The following EPHB1 variants were observed in gnomAD, a reference collection of about 807,000 sequenced individuals.
EPHB1 encodes EPH receptor B1.
Under a neutral mutation model 94.4 loss-of-function variants are expected in EPHB1, and 30 were observed. The observed-to-expected ratio is 0.32, with a 90% CI of 0.24 to 0.43. EPHB1 has a LOEUF of 0.43. Among genes scored for constraint, EPHB1 ranks in the 20% least tolerant of loss-of-function variants. The probability of loss-of-function intolerance (pLI) is 1.00; values close to 1 mark genes in which losing one functional copy is unlikely to be tolerated. For synonymous variants in EPHB1, 522 were observed against 489.1 expected (o/e 1.07, Z -0.89); for missense variants, 1,055 against 1,308.3 (o/e 0.81, Z 2.99).
intron 1 of EPHB1, among the ~76,000 whole-genome samples, chr3:134,861,649 A>G (rs533093959): frequency 3.1e-4 from 47 of 151,328 alleles, no homozygotes; most frequent in Admixed American, 2.0e-3. Context: ...ATAAGGAAAC[A>G]GGGGGAGAAA....
At chr3:135,118,372 G>T (rs1323688584) in intron 4 of EPHB1, among the ~76,000 whole-genome samples, 1 of 152,184 alleles carries the variant, frequency 6.6e-6, no homozygotes, top group Non-Finnish European at 1.5e-5. Flanking sequence ...TACAGTTTAG[G>T]CCCTGTGCTA....
At position 135,100,545 on chromosome 3, in the gene EPHB1, G is replaced by A. The variant is rs527860255; in HGVS notation, c.806-5903G>A. Among the ~76,000 whole-genome samples the A allele has an allele frequency of 1.1e-4, 16 of 152,302 alleles. No individual in the cohort carries two copies. The South Asian group carries it at 2.3e-3, about 22-fold the overall frequency. On this transcript the variant is annotated intron_variant, in intron 3 of 15. Transcript: ENST00000398015. ...GCTGCTTGGAAATGCTTTGTAACCT[G>A]ATGCTGCAGATGGGGATGAGAAGCG... is the stretch of plus-strand genomic sequence containing the variant.
intron 1 of EPHB1, among the ~76,000 whole-genome samples, chr3:134,844,979 C>T (rs894788101): frequency 2.6e-5 from 4 of 152,182 alleles, no homozygotes; most frequent in Non-Finnish European, 5.9e-5. Flanking sequence ...GAATCCACTT[C>T]AGATTTGTCT....
At chr3:134,969,152 C>T (rs1040663656) in intron 3 of EPHB1, among the ~76,000 whole-genome samples, 3 of 152,166 alleles carry the variant, frequency 2.0e-5, no homozygotes, top group Non-Finnish European at 4.4e-5. Context: ...TTCAGTTGTT[C>T]TGCCTTTTTG....
intron 3 of EPHB1, among the ~76,000 whole-genome samples, chr3:135,054,038 T>TACACACACAC (rs113249083): frequency 4.6e-4 from 49 of 107,580 alleles, no homozygotes; most frequent in African/African-American, 1.5e-3. Context: ...TATATATATA[T>TACACACACAC]ATACACACAC....
intron 10 of EPHB1, 88 bp downstream of exon 10, chr3:135,180,070 A>T: frequency 6.7e-7 from 1 of 1,498,952 alleles, no homozygotes; most frequent in South Asian, 1.2e-5. Context: ...CAGTATGAAA[A>T]GCCCCATTAG....
At chr3:135,208,441 T>C (rs1942958349) in intron 12 of EPHB1, among the ~76,000 whole-genome samples, 1 of 152,116 alleles carries the variant, frequency 6.6e-6, no homozygotes, top group Non-Finnish European at 1.5e-5. Context: ...CCAATATCTT[T>C]CCTTGCCTTC....
At chr3:134,902,246 G>A (rs905011968) in intron 1 of EPHB1, among the ~76,000 whole-genome samples, 4 of 152,086 alleles carry the variant, frequency 2.6e-5, no homozygotes, top group Non-Finnish European at 2.9e-5. Flanking sequence ...GGAATTATTG[G>A]GAGATATTCA....
At chr3:135,114,406 C>T (rs986915509) in intron 4 of EPHB1, among the ~76,000 whole-genome samples, 3 of 151,490 alleles carry the variant, frequency 2.0e-5, no homozygotes, top group East Asian at 3.9e-4. Context: ...GAATTAAATG[C>T]AATATACTAT....
At chr3:135,140,234 G>A (rs750581839) in intron 5 of EPHB1, among the ~76,000 whole-genome samples, 34 of 152,200 alleles carry the variant, frequency 2.2e-4, no homozygotes, top group Non-Finnish European at 3.5e-4. Context: ...CCATAAAGAG[G>A]CATCTCATAA....
At chr3:135,128,762 A>G (rs1234521704) in intron 4 of EPHB1, among the ~76,000 whole-genome samples, 3 of 152,348 alleles carry the variant, frequency 2.0e-5, no homozygotes, top group East Asian at 3.9e-4. Context: ...CTGCCTCTCA[A>G]GTGCTGAAAA....
intron 12 of EPHB1, among the ~76,000 whole-genome samples, chr3:135,213,377 G>A (rs1033755513): frequency 6.6e-6 from 1 of 152,194 alleles, no homozygotes; most frequent in African/African-American, 2.4e-5. Context: ...CACTTGCATG[G>A]TTTACGCAAC....
At chr3:134,874,449 G>T (rs1218397949) in intron 1 of EPHB1, among the ~76,000 whole-genome samples, 1 of 152,152 alleles carries the variant, frequency 6.6e-6, no homozygotes, top group African/African-American at 2.4e-5. Flanking sequence ...CTGCAAACCT[G>T]CATGATGTGC....
chr3:134,945,497 C>T (rs1298490930), intron 2 of EPHB1, among the ~76,000 whole-genome samples: 1 of 152,134 alleles, frequency 6.6e-6, no homozygotes, highest in Non-Finnish European at 1.5e-5. Context: ...GATTTACCTT[C>T]TTCATATTGA....
chr3:134,971,457 T>C (rs1933966831), intron 3 of EPHB1, among the ~76,000 whole-genome samples: 1 of 152,220 alleles, frequency 6.6e-6, no homozygotes, highest in South Asian at 2.1e-4. Flanking sequence ...GACAACAGTC[T>C]GGATGGATGG....
chr3:134,938,915 C>A (rs1326114957), intron 2 of EPHB1, among the ~76,000 whole-genome samples: 1 of 152,124 alleles, frequency 6.6e-6, no homozygotes, highest in Non-Finnish European at 1.5e-5. Flanking sequence ...TGAACTTACC[C>A]CGGGCTAAGC....
At chr3:134,957,401 T>TG (rs1933318670) in intron 3 of EPHB1, among the ~76,000 whole-genome samples, 1 of 152,108 alleles carries the variant, frequency 6.6e-6, no homozygotes, top group African/African-American at 2.4e-5. Flanking sequence ...CCTGGGTGCC[T>TG]GAGGGGATGA....
At chr3:134,984,631 C>T (rs1934528601) in intron 3 of EPHB1, among the ~76,000 whole-genome samples, 1 of 151,800 alleles carries the variant, frequency 6.6e-6, no homozygotes, top group Non-Finnish European at 1.5e-5. Context: ...GAGGGAAGGG[C>T]CCTCACCTGG....
chr3:134,994,208 T>G (rs1429639216), intron 3 of EPHB1, among the ~76,000 whole-genome samples: 1 of 152,242 alleles, frequency 6.6e-6, no homozygotes, highest in African/African-American at 2.4e-5. Flanking sequence ...GCCATCATGC[T>G]GCGTCTGACA....
Sources: gnomAD v4.1 joint callset for allele counts (sites outside exome capture counted in the v4.1 genomes callset) on GRCh38, gnomAD v4.1.1 for gene constraint, MANE v1.5 for transcripts, NCBI Gene and HGNC (gene_info 2026-07-23, HGNC 2026-07-21) for gene names.